The following AKAP13 variants were observed in gnomAD, a reference collection of about 807,000 sequenced individuals.
The protein encoded by AKAP13 is A-kinase anchoring protein 13, also known as A-kinase anchor protein 13.
A neutral mutation model predicts 264.5 loss-of-function variants in AKAP13; 80 were observed. That is an observed-to-expected ratio of 0.30 (90% CI 0.25 to 0.36). AKAP13 has a LOEUF of 0.36. Ranked by LOEUF, AKAP13 falls within the 10% of genes least tolerant of loss-of-function variation. AKAP13 has a pLI of 1.00. For missense variants in AKAP13, 3,712 were observed against 3,435.2 expected (o/e 1.08, Z -2.01); for synonymous variants, 1,380 against 1,250.2 (o/e 1.10, Z -2.19).
At chr15:85,600,181 G>A (rs926735953) in intron 8 of AKAP13, among the ~76,000 whole-genome samples, 1 of 152,066 alleles carries the variant, frequency 6.6e-6, no homozygotes, top group Admixed American at 6.5e-5. Flanking sequence ...ATCTGTGACC[G>A]ACCATGCACC....
intron 1 of AKAP13, among the ~76,000 whole-genome samples, chr15:85,432,781 A>G (rs538486840): frequency 1.3e-5 from 2 of 152,250 alleles, no homozygotes; most frequent in East Asian, 1.9e-4. Flanking sequence ...AAGGGCAGAA[A>G]ACACTGGGGG....
At chr15:85,563,839 A>G (rs2151273036) in intron 5 of AKAP13, among the ~76,000 whole-genome samples, 1 of 152,320 alleles carries the variant, frequency 6.6e-6, no homozygotes, top group Middle Eastern at 3.4e-3. Flanking sequence ...TTGCTTTTTC[A>G]CAGCAACCTT....
At chr15:85,478,185 G>T (rs1007286108) in intron 1 of AKAP13, among the ~76,000 whole-genome samples, 1 of 152,140 alleles carries the variant, frequency 6.6e-6, no homozygotes, top group South Asian at 2.1e-4. Context: ...ATTATTTATT[G>T]CTAAAGCTCA....
rs1362481908 is a variant in AKAP13, at chr15:85,381,271, G to C, written c.-12+473G>C. On this transcript the variant is annotated intron_variant, in intron 1 of 36. Coordinates refer to ENST00000394518, the MANE Select transcript of AKAP13 (RefSeq NM_007200.5). ...CGCGCCGTGAACAAGTGCTGCGGGC[G>C]CGAGGGAGCGGCTCCCCGGGGTCGA... Among the ~76,000 whole-genome samples the C allele has an allele frequency of 2.0e-5, 3 of 152,022 alleles. No individual in the cohort carries two copies. The East Asian group carries it at 5.8e-4, about 29-fold the overall frequency.
chr15:85,564,357 T>C (rs1596542924), intron 5 of AKAP13, among the ~76,000 whole-genome samples: 1 of 152,226 alleles, frequency 6.6e-6, no homozygotes, highest in South Asian at 2.1e-4. Context: ...TGTATACATA[T>C]ACATATATAG....
Position 85,718,268 on chromosome 15 carries a change from G to C in AKAP13, c.6001+109G>C. On this transcript the variant is annotated intron_variant, in intron 22 of 36. Transcript: ENST00000394518. The surrounding 1 kb of genome is among the most constrained non-coding windows in gnomAD (Gnocchi z 4.9). ...TCAGTTTTTTAGTATGTGGCTTCTTGAAAAGATTTCCTTTAAAAACTTTAA... is the reference window on the plus strand; with the variant it reads ...TCAGTTTTTTAGTATGTGGCTTCTTCAAAAGATTTCCTTTAAAAACTTTAA... The C allele has an allele frequency of 7.5e-7, 1 of 1,337,628 alleles. No individual in the cohort carries two copies. The highest frequency in any genetic ancestry group is 1.4e-5 in the South Asian group (1 of 71,410). The allele number at this position is 1,337,628 out of a possible 1,614,324, so 82.9% of individuals were successfully genotyped here. A position where few individuals can be genotyped will look rare whatever the true frequency, so the allele number is the denominator to read the frequency against.
intron 5 of AKAP13, among the ~76,000 whole-genome samples, chr15:85,557,379 G>A (rs1478690011): frequency 6.6e-6 from 1 of 152,152 alleles, no homozygotes; most frequent in Non-Finnish European, 1.5e-5. Context: ...TATTTATTAT[G>A]TACTGTGATT....
intron 8 of AKAP13, among the ~76,000 whole-genome samples, chr15:85,602,890 T>C (rs139387904): frequency 6.6e-6 from 1 of 152,362 alleles, no homozygotes; most frequent in African/African-American, 2.4e-5. Context: ...CTCTTCCAAA[T>C]GTTGAATGTT....
In AKAP13 at chr15:85,513,848, C is replaced by T. The variant is rs1329004708; in HGVS notation, c.34-7580C>T. Among the ~76,000 whole-genome samples the T allele has an allele frequency of 2.1e-5, 3 of 140,506 alleles. 1 individual carries two copies. The highest frequency in any genetic ancestry group is 8.5e-5 in the African/African-American group (3 of 35,310). The allele number at this position is 140,506 out of a possible 152,430, so 92.2% of individuals were successfully genotyped here. ...ACTGTTTCTCATTGTCCGACGTTTC[C>T]TTGTGATTAGGTTGAGGGCTTGCAT... On this transcript the variant is annotated intron_variant, in intron 2 of 36. Transcript: ENST00000394518.
chr15:85,630,901 C>G (rs1448710102), intron 8 of AKAP13, among the ~76,000 whole-genome samples: 1 of 151,930 alleles, frequency 6.6e-6, no homozygotes, highest in African/African-American at 2.4e-5. Context: ...GTATGTAACC[C>G]AGCAGTTCCA....
intron 3 of AKAP13, among the ~76,000 whole-genome samples, chr15:85,531,948 A>C (rs915420088): frequency 6.6e-6 from 1 of 152,248 alleles, no homozygotes; most frequent in Non-Finnish European, 1.5e-5. Flanking sequence ...AATGTGATAC[A>C]AAACCCTTGC....
chr15:85,467,265 T>C (rs2074778222), intron 1 of AKAP13, among the ~76,000 whole-genome samples: 1 of 152,134 alleles, frequency 6.6e-6, no homozygotes, highest in East Asian at 1.9e-4. Context: ...ACCTTGCATA[T>C]ATGTATATTC....
chr15:85,739,706 G>T (rs1277008946), intron 33 of AKAP13, among the ~76,000 whole-genome samples: 12 of 151,772 alleles, frequency 7.9e-5, no homozygotes, highest in African/African-American at 2.2e-4. Flanking sequence ...GGATCTCGCT[G>T]TCTTGCCCTG....
chr15:85,468,116 C>T (rs2074818706), intron 1 of AKAP13, among the ~76,000 whole-genome samples: 1 of 152,278 alleles, frequency 6.6e-6, no homozygotes, highest in African/African-American at 2.4e-5. Flanking sequence ...GAAAAGCATT[C>T]TTATATTTCT....
At chr15:85,610,950 G>A (rs1188133228) in intron 8 of AKAP13, among the ~76,000 whole-genome samples, 1 of 152,210 alleles carries the variant, frequency 6.6e-6, no homozygotes. Flanking sequence ...CTGCGCTCCA[G>A]CCTGGGCAAC....
In AKAP13 at chr15:85,581,314, G is replaced by A. The variant is rs2079139242; in HGVS notation, c.3246G>A (p.Glu1082=). 8.7e-6 allele frequency: 14 copies of A among 1,614,202 alleles called. No homozygotes were observed. The highest frequency in any genetic ancestry group is 1.2e-5 in the Non-Finnish European group (14 of 1,180,032). Residue 1082 remains glutamate, a synonymous_variant, in exon 7 of 37, where the codon GAG becomes GAA. Coordinates refer to ENST00000394518, the MANE Select transcript of AKAP13 (RefSeq NM_007200.5). The part of the protein sequence containing the change: ...TQSQGKTSAC[E]VSGDVTVDVT... ...CCCAGGGAAAAACTAGTGCCTGTGAGGTGAGTGGAGATGTGACGGTGGATG... is the reference window on the plus strand; with the variant it reads ...CCCAGGGAAAAACTAGTGCCTGTGAAGTGAGTGGAGATGTGACGGTGGATG...
intron 21 of AKAP13, 100 bp from the exon 22 acceptor site, chr15:85,717,905 ATG>A: frequency 8.7e-7 from 1 of 1,145,072 alleles, no homozygotes; most frequent in South Asian, 1.5e-5. Context: ...CCCTGTATTC[ATG>A]TGTCTTATGA....
chr15:85,684,933 AT>A, intron 16 of AKAP13, 60 bp downstream of exon 16: 11 of 1,549,432 alleles, frequency 7.1e-6, no homozygotes, highest in Non-Finnish European at 8.7e-6. Flanking sequence ...CACAGCCTGC[AT>A]TCACACCAAA....
chr15:85,736,047 T>G (rs1360004453), intron 32 of AKAP13, 43 bp from the exon 33 acceptor site: 1 of 1,460,974 alleles, frequency 6.8e-7, no homozygotes, highest in Non-Finnish European at 9.6e-7. Flanking sequence ...CATTTTTGCA[T>G]CAAGATCTTC....
Sources: gnomAD v4.1 joint callset for allele counts (sites outside exome capture counted in the v4.1 genomes callset) on GRCh38, gnomAD v4.1.1 for gene constraint, Gnocchi (gnomAD v3.1) non-coding constraint, MANE v1.5 for transcripts, NCBI Gene and HGNC (gene_info 2026-07-23, HGNC 2026-07-21) for gene names.